Variants in NOL10 observed in about 807,000 individuals in gnomAD.
NOL10 encodes the protein H_NH0074G24.1.
Under a neutral mutation model 103.5 loss-of-function variants are expected in NOL10, and 58 were observed. The observed-to-expected ratio is 0.56, with a 90% CI of 0.45 to 0.70. The LOEUF (loss-of-function observed/expected upper bound fraction) is 0.70, where lower values mean the gene tolerates loss of function less well. Ranked by LOEUF, NOL10 falls within the 30% of genes least tolerant of loss-of-function variation. The probability of loss-of-function intolerance (pLI) is 0.00; values close to 1 mark genes in which losing one functional copy is unlikely to be tolerated. For synonymous variants in NOL10, 287 were observed against 282.5 expected, an observed-to-expected ratio of 1.02 and a Z score of -0.16; for missense variants, 763 against 807.3, an observed-to-expected ratio of 0.95 and a Z score of 0.67.
intron 13 of NOL10, among the ~76,000 whole-genome samples, chr2:10,607,886 G>A (rs531358509): frequency 1.3e-5 from 2 of 151,850 alleles, no homozygotes; most frequent in African/African-American, 4.8e-5. Flanking sequence ...TTTCTTTTAA[G>A]ATTTTTCAAC....
chr2:10,613,163 T>C (rs764874769), intron 13 of NOL10, among the ~76,000 whole-genome samples: 1 of 152,182 alleles, frequency 6.6e-6, no homozygotes, highest in Non-Finnish European at 1.5e-5. Flanking sequence ...TCATCACATA[T>C]TTATTAAATT....
intron 17 of NOL10, among the ~76,000 whole-genome samples, chr2:10,590,337 G>A (rs1229317870): frequency 6.6e-6 from 1 of 152,118 alleles, no homozygotes; most frequent in Admixed American, 6.5e-5. Flanking sequence ...GAATTCTTGG[G>A]CTCAAGCAAT....
intron 13 of NOL10, chr2:10,634,440 G>A: frequency 2.2e-6 from 1 of 453,328 alleles, no homozygotes. Flanking sequence ...TGGGGTGCAG[G>A]TGGGGAGCTG....
intron 12 of NOL10, among the ~76,000 whole-genome samples, chr2:10,645,856 T>TTGCCAATAACTCAGTCC (rs1197818126): frequency 1.3e-5 from 2 of 151,796 alleles, no homozygotes; most frequent in African/African-American, 4.8e-5. Context: ...AAACCACGTC[T>TTGCCAATAACTCAGTCC]TGCCAATAAC....
intron 3 of NOL10, among the ~76,000 whole-genome samples, chr2:10,677,010 C>T (rs1221624490): frequency 6.6e-6 from 1 of 151,596 alleles, no homozygotes; most frequent in African/African-American, 2.4e-5. Context: ...GTAATCTCAG[C>T]TCACTGCAAC....
At chr2:10,639,370 C>T (rs1280206240) in intron 13 of NOL10, among the ~76,000 whole-genome samples, 3 of 152,138 alleles carry the variant, frequency 2.0e-5, no homozygotes, top group Non-Finnish European at 2.9e-5. Flanking sequence ...TGCAGTGAGC[C>T]GAGATCCTGC....
intron 12 of NOL10, among the ~76,000 whole-genome samples, chr2:10,653,799 C>T (rs1027096144): frequency 2.0e-5 from 3 of 152,114 alleles, no homozygotes; most frequent in African/African-American, 4.8e-5. Context: ...CTCACTGCTC[C>T]GCTCTCGGTG....
At chr2:10,627,436 G>A (rs1318878242) in intron 13 of NOL10, among the ~76,000 whole-genome samples, 2 of 152,108 alleles carry the variant, frequency 1.3e-5, no homozygotes, top group African/African-American at 2.4e-5. Context: ...AGCACTTTGG[G>A]AGGCTGAGGC....
At chr2:10,649,502 T>TA (rs1402373417) in intron 12 of NOL10, among the ~76,000 whole-genome samples, 1 of 151,860 alleles carries the variant, frequency 6.6e-6, no homozygotes, top group Non-Finnish European at 1.5e-5. Flanking sequence ...GTATTTTTGG[T>TA]AGAGACAGGG....
chr2:10,673,242 C>T (rs1681072082), intron 5 of NOL10: 1 of 268,078 alleles, frequency 3.7e-6, no homozygotes, highest in African/African-American at 2.2e-5. Context: ...TAAAAGATGA[C>T]TGCTGCCAAT....
Position 10,639,878 on chromosome 2 carries a change from G to A in NOL10, c.1026+4442C>T, listed in dbSNP as rs764050792. 2.6e-4 allele frequency among the ~76,000 whole-genome samples: 39 copies of A among 152,120 alleles called. 1 individual carries two copies. Among genetic ancestry groups the A allele is most frequent in the Non-Finnish European group, 4.0e-4 (27 of 68,030 alleles). ...AAAAATAAAAAATAAGGAAAGAACTGAGAAAATGGGACAGGGGCTGCAGAC... is the reference window on the plus strand; with the variant it reads ...AAAAATAAAAAATAAGGAAAGAACTAAGAAAATGGGACAGGGGCTGCAGAC... On this transcript the variant is annotated intron_variant, in intron 13 of 20. Transcript: ENST00000381685.
At chr2:10,667,147 C>A (rs1437863240) in intron 8 of NOL10, 71 bp downstream of exon 8, 28 of 1,116,714 alleles carry the variant, frequency 2.5e-5, no homozygotes, top group Non-Finnish European at 3.7e-5. Flanking sequence ...TCAAGCAACT[C>A]AGTCTTTAAA....
intron 6 of NOL10, among the ~76,000 whole-genome samples, 178 bp downstream of exon 6, chr2:10,671,369 GTAGAAAA>G (rs930669893): frequency 4.7e-5 from 7 of 149,688 alleles, no homozygotes; most frequent in African/African-American, 1.7e-4. Flanking sequence ...AAACCAATAT[GTAGAAAA>G]TAGAATTTTT....
chr2:10,618,156 T>TG (rs1314855651), intron 13 of NOL10, among the ~76,000 whole-genome samples: 2 of 151,484 alleles, frequency 1.3e-5, no homozygotes, highest in African/African-American at 4.9e-5. Context: ...GGATTATGGG[T>TG]GGGTACCACA....
chr2:10,634,117 C>T (rs771518926), intron 13 of NOL10, among the ~76,000 whole-genome samples: 4 of 152,158 alleles, frequency 2.6e-5, no homozygotes, highest in Admixed American at 1.3e-4. Flanking sequence ...TGTGACCAAC[C>T]GCACTGGGCC....
intron 11 of NOL10, among the ~76,000 whole-genome samples, chr2:10,655,254 AGGAAAGAAAAGAAG>A (rs1679766023): frequency 6.6e-6 from 1 of 151,734 alleles, no homozygotes; most frequent in Admixed American, 6.6e-5. Flanking sequence ...GAAGGAAGAA[AGGAAAGAAAAGAAG>A]GGAAAGAAGG....
chr2:10,666,849 A>T (rs576736127), intron 8 of NOL10, among the ~76,000 whole-genome samples: 1 of 152,308 alleles, frequency 6.6e-6, no homozygotes, highest in South Asian at 2.1e-4. Context: ...CAAACCATTC[A>T]AGTGTTACCT....
At position 10,680,049 on chromosome 2, in the gene NOL10, C is replaced by T. The variant is rs1011727415; in HGVS notation, c.211+1922G>A. ...CAGCACTTTGGAAGGGCGAGTTGGG[C>T]GGATCACTTGAGGCAAGGAGTTCGA... On this transcript the variant is annotated intron_variant, in intron 3 of 20. Transcript: ENST00000381685. Among the ~76,000 whole-genome samples, 12 of 152,054 alleles carry T rather than the reference C, an allele frequency of 7.9e-5. No individual in the cohort carries two copies. In the Middle Eastern group the frequency reaches 0.017, roughly 215 times the overall value.
At chr2:10,611,152 T>A (rs1315853407) in intron 13 of NOL10, among the ~76,000 whole-genome samples, 1 of 152,208 alleles carries the variant, frequency 6.6e-6, no homozygotes, top group Non-Finnish European at 1.5e-5. Flanking sequence ...AACTGATTCA[T>A]CAGATTGCTA....
Sources: gnomAD v4.1 joint callset for allele counts (sites outside exome capture counted in the v4.1 genomes callset) on GRCh38, gnomAD v4.1.1 for gene constraint, MANE v1.5 for transcripts, NCBI Gene and HGNC (gene_info 2026-07-23, HGNC 2026-07-21) for gene names.